POLR3B: variants seen among roughly 807,000 people sequenced by gnomAD.
POLR3B encodes the protein RNA polymerase III subunit B.
A neutral mutation model predicts 147.4 loss-of-function variants in POLR3B; 96 were observed. The observed-to-expected ratio is 0.65, with a 90% CI of 0.55 to 0.77. The LOEUF (loss-of-function observed/expected upper bound fraction) is 0.77, where lower values mean the gene tolerates loss of function less well. Among genes scored for constraint, POLR3B ranks in the 30% least tolerant of loss-of-function variants. The pLI, the probability that POLR3B is intolerant of heterozygous loss-of-function variation, is 0.00. For missense variants in POLR3B, 1,036 were observed against 1,413.5 expected (o/e 0.73, Z 4.28); for synonymous variants, 461 against 485.9 (o/e 0.95, Z 0.67).
intron 25 of POLR3B, among the ~76,000 whole-genome samples, chr12:106,500,501 A>G (rs916112738): frequency 3.3e-5 from 5 of 152,202 alleles, no homozygotes; most frequent in African/African-American, 1.2e-4. Flanking sequence ...TAATAAATGT[A>G]CACCACGGTA....
At chr12:106,393,557 T>A (rs1347767325) in intron 10 of POLR3B, among the ~76,000 whole-genome samples, 1 of 150,872 alleles carries the variant, frequency 6.6e-6, no homozygotes, top group Admixed American at 6.6e-5. Context: ...CTCTTTAATA[T>A]CTTTTTTTAT....
At chr12:106,358,073 C>T in intron 1 of POLR3B, 122 bp downstream of exon 1, 2 of 1,541,696 alleles carry the variant, frequency 1.3e-6, no homozygotes, top group South Asian at 2.4e-5. Flanking sequence ...CGGGCTTCTG[C>T]GCATGCCCAG....
At chr12:106,454,481 T>A (rs376126172) in intron 19 of POLR3B, 21 bp from the exon 20 acceptor site, 1 of 1,181,650 alleles carries the variant, frequency 8.5e-7, no homozygotes, top group Non-Finnish European at 1.3e-6. Flanking sequence ...TTGTATTTTG[T>A]TTTCTCCCAT....
At chr12:106,381,113 G>C (rs1565878625) in intron 9 of POLR3B, among the ~76,000 whole-genome samples, 1 of 152,158 alleles carries the variant, frequency 6.6e-6, no homozygotes, top group Non-Finnish European at 1.5e-5. Context: ...TACTGGTAGA[G>C]GGTCTTACCT....
intron 10 of POLR3B, 62 bp downstream of exon 10, chr12:106,393,215 G>A: frequency 2.5e-6 from 4 of 1,604,622 alleles, no homozygotes; most frequent in Non-Finnish European, 3.4e-6. Context: ...GCTGCTCATT[G>A]ATAAAGCTCA....
At chr12:106,411,137 T>G (rs2037220826) in intron 12 of POLR3B, among the ~76,000 whole-genome samples, 177 bp downstream of exon 12, 1 of 151,106 alleles carries the variant, frequency 6.6e-6, no homozygotes, top group Non-Finnish European at 1.5e-5. Flanking sequence ...CATTAATTCT[T>G]TTTTTTTTGT....
chr12:106,412,576 G>T (rs750889453), intron 12 of POLR3B, among the ~76,000 whole-genome samples: 24 of 152,090 alleles, frequency 1.6e-4, no homozygotes, highest in Non-Finnish European at 2.9e-4. Flanking sequence ...GTTTCTTTCT[G>T]CTTCCTGATA....
intron 18 of POLR3B, among the ~76,000 whole-genome samples, chr12:106,441,526 A>C (rs61941916): frequency 0.012 from 1,798 of 152,306 alleles, 18 homozygotes; most frequent in Middle Eastern, 0.024. Flanking sequence ...GTATAGTAAA[A>C]ATGCAGTATT....
chr12:106,402,884 A>G (rs1482663720), intron 10 of POLR3B, among the ~76,000 whole-genome samples: 1 of 152,218 alleles, frequency 6.6e-6, no homozygotes, highest in African/African-American at 2.4e-5. Flanking sequence ...AATACCATTC[A>G]GGACATAGGC....
chr12:106,379,988 A>G, intron 8 of POLR3B, 43 bp from the exon 9 acceptor site: 1 of 1,124,182 alleles, frequency 8.9e-7, no homozygotes, highest in Non-Finnish European at 1.4e-6. Context: ...CTAGCTTGAA[A>G]CTAAGTGGGG....
At chr12:106,506,638 C>T (rs1257244656) in intron 27 of POLR3B, among the ~76,000 whole-genome samples, 3 of 152,120 alleles carry the variant, frequency 2.0e-5, no homozygotes, top group Non-Finnish European at 4.4e-5. Context: ...GTATGTATTC[C>T]GTGTGTATTG....
At chr12:106,476,665 C>T (rs1231849440) in intron 23 of POLR3B, among the ~76,000 whole-genome samples, 1 of 148,444 alleles carries the variant, frequency 6.7e-6, no homozygotes, top group Non-Finnish European at 1.5e-5. Context: ...GCATCAGCTC[C>T]TGAGGCTTCT....
At chr12:106,382,984 T>C (rs928178987) in intron 9 of POLR3B, among the ~76,000 whole-genome samples, 1 of 152,236 alleles carries the variant, frequency 6.6e-6, no homozygotes, top group African/African-American at 2.4e-5. Flanking sequence ...CCTTCATCAG[T>C]GATCTTAGCC....
At chr12:106,384,741 G>A (rs1364903139) in intron 9 of POLR3B, among the ~76,000 whole-genome samples, 1 of 151,940 alleles carries the variant, frequency 6.6e-6, no homozygotes, top group Non-Finnish European at 1.5e-5. Context: ...GAAAATATGT[G>A]TTAGATAAGC....
chr12:106,358,243 C>A, intron 1 of POLR3B: 1 of 1,367,640 alleles, frequency 7.3e-7, no homozygotes, highest in Non-Finnish European at 9.5e-7. Context: ...GGAGGACTGA[C>A]CCTCGCACTT....
intron 10 of POLR3B, among the ~76,000 whole-genome samples, chr12:106,399,515 C>T (rs971570619): frequency 3.9e-5 from 6 of 152,148 alleles, no homozygotes; most frequent in Middle Eastern, 3.4e-3. Flanking sequence ...AACTCCAAGA[C>T]GCATAATTGT....
intron 19 of POLR3B, among the ~76,000 whole-genome samples, chr12:106,452,359 G>A (rs893272434): frequency 6.6e-6 from 1 of 152,160 alleles, no homozygotes; most frequent in African/African-American, 2.4e-5. Flanking sequence ...CTATTTTGCT[G>A]TTCATCCATT....
intron 21 of POLR3B, among the ~76,000 whole-genome samples, chr12:106,457,754 A>G (rs1445600473): frequency 6.6e-6 from 1 of 152,230 alleles, no homozygotes; most frequent in Non-Finnish European, 1.5e-5. Flanking sequence ...GGAGACTGAC[A>G]TTGATCAGAG....
intron 12 of POLR3B, among the ~76,000 whole-genome samples, chr12:106,425,462 T>C (rs955963801): frequency 6.6e-6 from 1 of 152,218 alleles, no homozygotes; most frequent in Admixed American, 6.5e-5. Context: ...CTTTTGCTTC[T>C]GTCCCTCTCT....
Sources: gnomAD v4.1 joint callset for allele counts (sites outside exome capture counted in the v4.1 genomes callset) on GRCh38, gnomAD v4.1.1 for gene constraint, MANE v1.5 for transcripts, NCBI Gene and HGNC (gene_info 2026-07-23, HGNC 2026-07-21) for gene names.